The following CEP70 variants were observed in gnomAD, a reference collection of about 807,000 sequenced individuals.
CEP70 encodes the protein centrosomal protein 70, also known as centrosomal protein of 70 kDa.
A neutral mutation model predicts 90.9 loss-of-function variants in CEP70; 70 were observed. The observed-to-expected ratio is 0.77, with a 90% CI of 0.64 to 0.94. The LOEUF (loss-of-function observed/expected upper bound fraction) is 0.94. Among genes scored for constraint, CEP70 ranks in the 40% least tolerant of loss-of-function variants. The pLI, the probability that CEP70 is intolerant of heterozygous loss-of-function variation, is 0.00. For missense variants in CEP70, 648 were observed against 669.0 expected (o/e 0.97, Z 0.35); for synonymous variants, 220 against 228.3 (o/e 0.96, Z 0.33).
chr3:138,569,391 CATA>C (rs1278207430), intron 6 of CEP70, among the ~76,000 whole-genome samples: 1 of 152,126 alleles, frequency 6.6e-6, no homozygotes, highest in Non-Finnish European at 1.5e-5. Flanking sequence ...TTTATAATGA[CATA>C]ATGTTAGTAA....
chr3:138,563,610 C>G (rs961261478), intron 6 of CEP70, among the ~76,000 whole-genome samples: 1 of 152,040 alleles, frequency 6.6e-6, no homozygotes, highest in Non-Finnish European at 1.5e-5. Flanking sequence ...GGGTAAACAA[C>G]GAAATGAAAG....
intron 11 of CEP70, among the ~76,000 whole-genome samples, chr3:138,523,088 G>A (rs1256087384): frequency 1.3e-5 from 2 of 152,160 alleles, no homozygotes; most frequent in Non-Finnish European, 2.9e-5. Context: ...ATCAATAAAT[G>A]TAATCCGGCA....
intron 6 of CEP70, among the ~76,000 whole-genome samples, chr3:138,569,088 G>C (rs1282369125): frequency 6.6e-6 from 1 of 152,070 alleles, no homozygotes; most frequent in African/African-American, 2.4e-5. Flanking sequence ...CTGAAACTAT[G>C]GTCAATACCA....
intron 6 of CEP70, among the ~76,000 whole-genome samples, chr3:138,552,757 C>T (rs914934299): frequency 2.0e-5 from 3 of 152,054 alleles, no homozygotes; most frequent in Admixed American, 1.3e-4. Context: ...TAAGGTCACA[C>T]CTCAAGGAAC....
intron 6 of CEP70, among the ~76,000 whole-genome samples, chr3:138,539,529 C>T (rs2038575196): frequency 1.3e-5 from 2 of 152,034 alleles, no homozygotes; most frequent in South Asian, 4.2e-4. Flanking sequence ...GAAATACATT[C>T]CCTGAACTGA....
intron 11 of CEP70, among the ~76,000 whole-genome samples, chr3:138,520,294 G>A (rs1450483648): frequency 1.3e-5 from 2 of 152,096 alleles, no homozygotes; most frequent in Admixed American, 1.3e-4. Context: ...AATTAAGAAG[G>A]ATATCCAGGA....
At chr3:138,534,461 T>TA (rs1316320287) in intron 7 of CEP70, among the ~76,000 whole-genome samples, 6 of 152,212 alleles carry the variant, frequency 3.9e-5, no homozygotes, top group African/African-American at 7.2e-5. Flanking sequence ...TTTTCCTTCA[T>TA]AAAAAAACTT....
intron 11 of CEP70, among the ~76,000 whole-genome samples, chr3:138,511,771 T>C (rs1272683864): frequency 1.3e-5 from 2 of 152,182 alleles, no homozygotes; most frequent in East Asian, 3.8e-4. Context: ...TTTACATGTA[T>C]TCACTCATTT....
intron 11 of CEP70, among the ~76,000 whole-genome samples, chr3:138,523,918 T>A (rs1280870868): frequency 1.3e-5 from 2 of 151,720 alleles, no homozygotes; most frequent in Non-Finnish European, 2.9e-5. Context: ...CATTGCCAAG[T>A]CAATCCTAAG....
intron 2 of CEP70, 92 bp from the exon 3 acceptor site, chr3:138,573,024 A>G (rs2041283846): frequency 1.2e-6 from 1 of 852,150 alleles, no homozygotes; most frequent in Admixed American, 2.1e-5. Flanking sequence ...GGAGTTAAAG[A>G]AAAGTATATT....
At position 138,591,894 on chromosome 3, in the gene CEP70, A is replaced by G; in HGVS notation, c.-46T>C. The stretch of plus-strand genomic sequence containing the variant: ...TTACTCTTGCACTTTACACCTGGTC[A>G]TTCAGGTTGATCTCAATGAAATGAT... On this transcript the variant is annotated 5_prime_UTR_variant, in exon 2 of 18. The change abolishes an upstream ATG in the 5' untranslated region. Coordinates refer to ENST00000264982, the MANE Select transcript of CEP70 (RefSeq NM_024491.4). The G allele has an allele frequency of 6.7e-7, 1 of 1,492,476 alleles. No individual in the cohort carries two copies. Among genetic ancestry groups the G allele is most frequent in the Non-Finnish European group, 8.9e-7 (1 of 1,121,896 alleles). 92.5% of individuals were successfully genotyped at this position (1,492,476 alleles called of 1,614,324 possible).
intron 6 of CEP70, among the ~76,000 whole-genome samples, chr3:138,557,549 G>A (rs919812256): frequency 3.2e-4 from 48 of 152,176 alleles, no homozygotes; most frequent in Non-Finnish European, 5.9e-5. Context: ...AAATGTCCAC[G>A]AAATCTTCAC....
At position 138,571,126 on chromosome 3, in the gene CEP70, T is replaced by C. The variant is rs2041145146; in HGVS notation, c.192A>G (p.Gln64=). ...DLIIFDKQSS[Q]RMRQNLKLLV... ...ACAATTTCAAATTCTGTCTCATCCT[T>C]TGTGATGACTGTTTGTCAAAAATGA... The change falls in exon 5 of 18, where the codon CAA becomes CAG. Residue 64 remains glutamine, a synonymous_variant. Transcript: ENST00000264982. The C allele has an allele frequency of 6.2e-7, 1 of 1,600,624 alleles. No homozygotes were observed. Among genetic ancestry groups the C allele is most frequent in the Non-Finnish European group, 8.5e-7 (1 of 1,169,792 alleles).
intron 2 of CEP70, among the ~76,000 whole-genome samples, chr3:138,577,779 C>T (rs757507725): frequency 1.3e-5 from 2 of 152,110 alleles, no homozygotes; most frequent in Non-Finnish European, 2.9e-5. Flanking sequence ...TTACATTAAT[C>T]ATGAATGGCT....
intron 6 of CEP70, among the ~76,000 whole-genome samples, chr3:138,559,648 C>T (rs993650916): frequency 1.3e-5 from 2 of 152,110 alleles, no homozygotes; most frequent in Admixed American, 6.5e-5. Context: ...TCACTTGATC[C>T]CAGGAGGCGG....
At chr3:138,529,492 G>C (rs778457250) in intron 8 of CEP70, 30 bp from the exon 9 acceptor site, 5 of 1,342,548 alleles carry the variant, frequency 3.7e-6, no homozygotes, top group Non-Finnish European at 5.2e-6. Context: ...GTATACTTAT[G>C]AAAAATCTAT....
chr3:138,519,966 C>G (rs1040199190), intron 11 of CEP70, among the ~76,000 whole-genome samples: 1 of 151,784 alleles, frequency 6.6e-6, no homozygotes, highest in Admixed American at 6.6e-5. Flanking sequence ...CACATAGGCT[C>G]AAAATTAAGG....
intron 1 of CEP70, chr3:138,593,739 C>G (rs1051362593): frequency 6.6e-6 from 1 of 152,228 alleles, no homozygotes; most frequent in Non-Finnish European, 1.5e-5. Context: ...CCCCCTTCTG[C>G]TCCGAGTCCT....
At position 138,552,511 on chromosome 3, in the gene CEP70, C is replaced by T. The variant is rs147647952; in HGVS notation, c.466-15164G>A. ...ACAGTGGAATAAAACTGAAAATCAACTCCAAAAGGTACCTTCAAAGCCATG... is the reference window on the plus strand; with the variant it reads ...ACAGTGGAATAAAACTGAAAATCAATTCCAAAAGGTACCTTCAAAGCCATG... On this transcript the variant is annotated intron_variant, in intron 6 of 17. Coordinates refer to ENST00000264982, the MANE Select transcript of CEP70 (RefSeq NM_024491.4). Among the ~76,000 whole-genome samples, 7 of 152,176 alleles carry T rather than the reference C, an allele frequency of 4.6e-5. No individual in the cohort carries two copies. The East Asian group carries it at 1.3e-3, about 29-fold the overall frequency.
Sources: allele counts gnomAD v4.1 joint callset (sites outside exome capture counted in the v4.1 genomes callset), GRCh38; gene constraint gnomAD v4.1.1; transcripts MANE v1.5; gene names NCBI Gene and HGNC (gene_info 2026-07-23, HGNC 2026-07-21).